Variants in RBFOX1 observed in about 807,000 individuals in gnomAD.
RBFOX1 encodes the protein RNA binding fox-1 homolog 1, also known as RNA binding protein fox-1 homolog 1.
In RBFOX1, 8 loss-of-function variants were observed where a neutral mutation model predicts 57.7. That is an observed-to-expected ratio of 0.14 (90% confidence interval 0.08 to 0.25). RBFOX1 has a LOEUF of 0.25. Among genes scored for constraint, RBFOX1 ranks in the 10% least tolerant of loss-of-function variants. The pLI is 1.00. For missense variants in RBFOX1, 611 were observed against 548.5 expected (o/e 1.11, Z -1.14); for synonymous variants, 326 against 222.4 (o/e 1.47, Z -4.15).
chr16:7,400,323 T>C (rs2098219701), intron 4 of RBFOX1, among the ~76,000 whole-genome samples: 1 of 152,148 alleles, frequency 6.6e-6, no homozygotes, highest in Non-Finnish European at 1.5e-5. Flanking sequence ...CATTATGCAA[T>C]TCTGCCCCCT....
chr16:7,678,597 G>A (rs1000538943), intron 14 of RBFOX1, among the ~76,000 whole-genome samples: 4 of 151,774 alleles, frequency 2.6e-5, no homozygotes, highest in African/African-American at 9.7e-5. Context: ...TTGCTTTTCA[G>A]TATAAGTGCA....
chr16:5,856,575 G>GTGTATATATATATATATATATA lies in RBFOX1; in HGVS notation c.319-10727_319-10726insGTATATATATATATATATATAT, dbSNP rs1192496608. On this transcript the variant is annotated intron_variant, in intron 3 of 19. Transcript: ENST00000641259. The stretch of plus-strand genomic sequence containing the variant: ...TGTGTGTGTGTGTATGTGTGTGTGT[G>GTGTATATATATATATATATATA]TATATATATATATATATATATATAT... Among the ~76,000 whole-genome samples, 229 of 32,746 alleles carry GTGTATATATATATATATATATA rather than the reference G, an allele frequency of 7.0e-3. 6 individuals carry two copies. Among genetic ancestry groups the GTGTATATATATATATATATATA allele is most frequent in the Non-Finnish European group, 0.01 (176 of 17,280 alleles). The allele number at this position is 32,746 out of a possible 152,430, so 21.5% of individuals were successfully genotyped here.
At chr16:6,977,150 CATATAT>C (rs1262078505) in intron 3 of RBFOX1, among the ~76,000 whole-genome samples, 1 of 100,074 alleles carries the variant, frequency 1.0e-5, no homozygotes, top group Non-Finnish European at 1.9e-5. Flanking sequence ...TTATATATAT[CATATAT>C]ATCATATATT....
intron 2 of RBFOX1, among the ~76,000 whole-genome samples, chr16:6,511,040 A>G (rs1356895814): frequency 2.0e-5 from 3 of 152,172 alleles, no homozygotes; most frequent in Admixed American, 1.3e-4. Context: ...TATGTTTAAA[A>G]GCAACATTGA....
intron 2 of RBFOX1, among the ~76,000 whole-genome samples, chr16:5,590,076 CA>C (rs1438028185): frequency 1.1e-5 from 1 of 92,598 alleles, no homozygotes; most frequent in African/African-American, 5.1e-5. Flanking sequence ...CACACACACA[CA>C]AAAAGGGCAG....
rs549589435 is a variant in RBFOX1 at position 6,843,582 on chromosome 16, A to G, written c.-16+188932A>G. ...CGGGCACCTGTAGTCCCAGCTACTC[A>G]GGACGTTGAGGCAGGAGAATGGCAT... On this transcript the variant is annotated intron_variant, in intron 3 of 15. Coordinates refer to ENST00000550418, the MANE Select transcript of RBFOX1 (RefSeq NM_018723.4). 2.7e-3 allele frequency among the ~76,000 whole-genome samples: 415 copies of G among 152,222 alleles called. 7 individuals are homozygous for G. The South Asian group carries it at 0.029, about 11-fold the overall frequency.
At chr16:6,891,727 C>T (rs117694335) in intron 3 of RBFOX1, among the ~76,000 whole-genome samples, 23 of 152,246 alleles carry the variant, frequency 1.5e-4, no homozygotes, top group African/African-American at 5.3e-4. Context: ...GAACGTGGAA[C>T]GCAGCACTCC....
intron 10 of RBFOX1, among the ~76,000 whole-genome samples, chr16:7,613,719 T>G (rs988542297): frequency 6.6e-6 from 1 of 152,188 alleles, no homozygotes; most frequent in Non-Finnish European, 1.5e-5. Flanking sequence ...CCTCACATTT[T>G]TTCCTCCCAC....
chr16:5,644,969 G>A (rs924992041), intron 3 of RBFOX1, among the ~76,000 whole-genome samples: 1 of 151,992 alleles, frequency 6.6e-6, no homozygotes, highest in African/African-American at 2.4e-5. Context: ...GATGAAGGCT[G>A]GGGATGGTGT....
chr16:5,603,472 C>G (rs942880565), downstream of RBFOX1, among the ~76,000 whole-genome samples: 1 of 152,122 alleles, frequency 6.6e-6, no homozygotes, highest in African/African-American at 2.4e-5. Context: ...CCAGCAGGTT[C>G]TTTTTGGTGA....
At chr16:7,353,001 C>T (rs974175238) in intron 4 of RBFOX1, among the ~76,000 whole-genome samples, 1 of 152,128 alleles carries the variant, frequency 6.6e-6, no homozygotes, top group Non-Finnish European at 1.5e-5. Flanking sequence ...CAAGTATGAG[C>T]CACTGCACCC....
intron 2 of RBFOX1, among the ~76,000 whole-genome samples, chr16:6,614,794 C>T (rs938777064): frequency 6.6e-6 from 1 of 152,152 alleles, no homozygotes; most frequent in Non-Finnish European, 1.5e-5. Flanking sequence ...ATGAGGACAT[C>T]AGTCATATTG....
intron 2 of RBFOX1, among the ~76,000 whole-genome samples, chr16:6,447,090 C>T (rs1322189289): frequency 6.6e-6 from 1 of 152,132 alleles, no homozygotes; most frequent in African/African-American, 2.4e-5. Flanking sequence ...CTTCGAAAAC[C>T]GCACACCAGA....
chr16:5,336,390 C>G (rs1314824661), intron 1 of RBFOX1, among the ~76,000 whole-genome samples: 1 of 152,204 alleles, frequency 6.6e-6, no homozygotes, highest in East Asian at 1.9e-4. Context: ...TGAATCCCCA[C>G]TATCCTCATC....
At chr16:6,271,189 C>T (rs369024358) in intron 1 of RBFOX1, among the ~76,000 whole-genome samples, 7 of 152,174 alleles carry the variant, frequency 4.6e-5, no homozygotes, top group African/African-American at 1.2e-4. Flanking sequence ...TTTGGGAGGC[C>T]GAGGTGGGCA....
intron 14 of RBFOX1, among the ~76,000 whole-genome samples, chr16:7,699,544 T>TTCACA (rs1304296169): frequency 4.1e-4 from 62 of 152,280 alleles, no homozygotes; most frequent in African/African-American, 1.4e-3. Context: ...CTTGCTAAAG[T>TTCACA]TGTGTTCACA....
chr16:7,380,007 C>G (rs555393886), intron 4 of RBFOX1, among the ~76,000 whole-genome samples: 1 of 152,266 alleles, frequency 6.6e-6, no homozygotes, highest in Admixed American at 6.5e-5. Flanking sequence ...GCACACACCA[C>G]CAAACCTTGC....
chr16:5,737,217 C>T (rs1053745430), intron 3 of RBFOX1, among the ~76,000 whole-genome samples: 1 of 152,074 alleles, frequency 6.6e-6, no homozygotes, highest in African/African-American at 2.4e-5. Context: ...GGTGCAGTTG[C>T]TCACGCCTGT....
chr16:5,291,412 G>A (rs578004207), intron 1 of RBFOX1, among the ~76,000 whole-genome samples: 5 of 152,070 alleles, frequency 3.3e-5, no homozygotes, highest in Admixed American at 6.5e-5. Context: ...ACAGGCACCC[G>A]CCACCACGCC....
Sources: gnomAD v4.1 joint callset for allele counts (sites outside exome capture counted in the v4.1 genomes callset) on GRCh38, gnomAD v4.1.1 for gene constraint, MANE v1.5 for transcripts, NCBI Gene and HGNC (gene_info 2026-07-23, HGNC 2026-07-21) for gene names.